The following RBPJ variants were observed in gnomAD, a reference collection of about 807,000 sequenced individuals.
RBPJ encodes recombining binding protein suppressor of hairless.
In RBPJ, 9 loss-of-function variants were observed where a neutral mutation model predicts 67.8. The ratio of observed to expected loss-of-function variants is 0.13; its 90% confidence interval spans 0.08 to 0.23. The LOEUF (loss-of-function observed/expected upper bound fraction) is 0.23, where lower values mean the gene tolerates loss of function less well. Among genes scored for constraint, RBPJ ranks in the 10% least tolerant of loss-of-function variants. The probability of loss-of-function intolerance (pLI) is 1.00; values close to 1 mark genes in which losing one functional copy is unlikely to be tolerated. For missense variants in RBPJ, 305 were observed against 595.6 expected, an observed-to-expected ratio of 0.51 and a Z score of 5.08; for synonymous variants, 198 against 203.3, an observed-to-expected ratio of 0.97 and a Z score of 0.22.
the RBPJ span, among the ~76,000 whole-genome samples, chr4:26,141,338 G>A: frequency 6.6e-4 from 101 of 152,242 alleles, no homozygotes; most frequent in African/African-American, 2.3e-3. Flanking sequence ...GGCCAGGGAC[G>A]AGCCCAGCAC....
At chr4:26,405,831 C>A (rs1733342410) in intron 2 of RBPJ, among the ~76,000 whole-genome samples, 1 of 152,090 alleles carries the variant, frequency 6.6e-6, no homozygotes, top group South Asian at 2.1e-4. Context: ...ATTTTATTAA[C>A]TTTATAATAT....
At chr4:26,180,543 G>A (rs1337913324) in intron 1 of RBPJ, among the ~76,000 whole-genome samples, 1 of 152,164 alleles carries the variant, frequency 6.6e-6, no homozygotes, top group East Asian at 1.9e-4. Flanking sequence ...TTCTATCTGT[G>A]TCCTCACAAG....
chr4:26,160,637 T>C (rs1716060582), upstream of RBPJ, among the ~76,000 whole-genome samples: 2 of 152,290 alleles, frequency 1.3e-5, no homozygotes, highest in South Asian at 4.1e-4. Context: ...TCTGCTCTTC[T>C]CTCTGGTAAG....
rs1471894443 is a variant in RBPJ, at chr4:26,430,500, G to A, written c.1126G>A (p.Val376Ile). Residue 376 changes from valine to isoleucine, a missense_variant, in exon 10 of 11, where the codon GTA becomes ATA. This residue lies in a region of RBPJ where 47 missense variants were observed against 128.2 expected (regional missense o/e 0.37). Coordinates refer to ENST00000355476, the MANE Select transcript of RBPJ (RefSeq NM_015874.6). The surrounding 1 kb of genome is among the most constrained non-coding windows in gnomAD (Gnocchi z 4.1). ...TPNLRVWFGD[V>I]EAETMYRCGE... ...AAATTTACGAGTGTGGTTTGGGGAT[G>A]TAGAAGCTGAAACTATGTACAGGTA... The A allele has an allele frequency of 1.9e-6, 3 of 1,606,712 alleles. No individual in the cohort carries two copies. Among genetic ancestry groups the A allele is most frequent in the African/African-American group, 1.3e-5 (1 of 74,404 alleles).
intron 1 of RBPJ, among the ~76,000 whole-genome samples, chr4:26,355,648 A>C (rs1727292031): frequency 6.6e-6 from 1 of 152,160 alleles, no homozygotes; most frequent in African/African-American, 2.4e-5. Context: ...TTAAAACATC[A>C]AAACCCTAAC....
At chr4:26,396,014 G>A (rs892125005) in intron 2 of RBPJ, among the ~76,000 whole-genome samples, 4 of 152,156 alleles carry the variant, frequency 2.6e-5, no homozygotes, top group Admixed American at 6.5e-5. Context: ...CTCACTTTGA[G>A]ACAGGAGAGC....
At chr4:26,366,664 C>T (rs1272901815) in intron 1 of RBPJ, among the ~76,000 whole-genome samples, 2 of 152,084 alleles carry the variant, frequency 1.3e-5, no homozygotes, top group African/African-American at 4.8e-5. Flanking sequence ...TCGTGATCTG[C>T]CTGCCTCGGC....
chr4:26,324,443 T>C (rs1207922668), intron 1 of RBPJ, among the ~76,000 whole-genome samples: 1 of 151,892 alleles, frequency 6.6e-6, no homozygotes, highest in African/African-American at 2.4e-5. Context: ...GAGATTGAAG[T>C]TCTGTCAAAC....
intron 1 of RBPJ, among the ~76,000 whole-genome samples, chr4:26,268,192 C>G (rs1359931759): frequency 1.3e-5 from 2 of 152,028 alleles, no homozygotes; most frequent in African/African-American, 4.8e-5. Flanking sequence ...TCCCTCTTTG[C>G]TTTATATTCA....
intron 1 of RBPJ, among the ~76,000 whole-genome samples, chr4:26,335,309 G>A (rs1383775576): frequency 6.6e-6 from 1 of 151,974 alleles, no homozygotes; most frequent in Non-Finnish European, 1.5e-5. Context: ...AGCCTCCTGA[G>A]TAGCTGGGAC....
chr4:26,204,319 A>G (rs1718093540), intron 1 of RBPJ, among the ~76,000 whole-genome samples: 2 of 152,216 alleles, frequency 1.3e-5, no homozygotes. Flanking sequence ...AAAATGCTGA[A>G]TCTAGCAGAG....
In RBPJ at chr4:26,182,396, A is replaced by G. The variant is rs115581038; in HGVS notation, c.-167+18782A>G. ...TTTTGACTCTTTCGTAATAACATTT[A>G]GCTTAAAACAGATTGTATAGCTGTA... On this transcript the variant is annotated intron_variant, in intron 1 of 4. Transcript: ENST00000512351. 7.4e-3 allele frequency among the ~76,000 whole-genome samples: 1,133 copies of G among 152,320 alleles called. 14 individuals are homozygous for G. The highest frequency in any genetic ancestry group is 0.026 in the African/African-American group (1,075 of 41,572).
chr4:26,371,822 A>C (rs1171010625), intron 1 of RBPJ, among the ~76,000 whole-genome samples: 1 of 152,266 alleles, frequency 6.6e-6, no homozygotes, highest in African/African-American at 2.4e-5. Context: ...GGAAAAGAGA[A>C]TAAATGTTAT....
intron 1 of RBPJ, among the ~76,000 whole-genome samples, chr4:26,274,025 T>G (rs1721003863): frequency 6.6e-6 from 1 of 152,224 alleles, no homozygotes; most frequent in African/African-American, 2.4e-5. Flanking sequence ...GTCAGAGAAG[T>G]CTTTCCCAAC....
intron 1 of RBPJ, among the ~76,000 whole-genome samples, chr4:26,252,652 C>T (rs184436377): frequency 9.2e-5 from 14 of 152,268 alleles, no homozygotes. Flanking sequence ...TAAATCTTAA[C>T]ATTTAAGAGT....
At chr4:26,421,396 G>A (rs756685576) in intron 5 of RBPJ, among the ~76,000 whole-genome samples, 7 of 151,356 alleles carry the variant, frequency 4.6e-5, no homozygotes, top group African/African-American at 7.3e-5. Context: ...TCCACCTCCC[G>A]GGTTCAACCA....
At chr4:26,406,868 T>C (rs1733472289) in intron 3 of RBPJ, among the ~76,000 whole-genome samples, 1 of 152,196 alleles carries the variant, frequency 6.6e-6, no homozygotes, top group South Asian at 2.1e-4. Context: ...AAGCAACTAA[T>C]TGGGCTAAAG....
At chr4:26,191,202 TATATATATAGAG>T (rs1346018772) in intron 1 of RBPJ, among the ~76,000 whole-genome samples, 558 of 32,102 alleles carry the variant, frequency 0.017, 4 homozygotes, top group South Asian at 0.042. Context: ...TATATATATA[TATATATATAGAG>T]AGAGAGAGAG....
At chr4:26,311,801 C>G (rs1438922547) in intron 1 of RBPJ, among the ~76,000 whole-genome samples, 1 of 152,150 alleles carries the variant, frequency 6.6e-6, no homozygotes, top group Admixed American at 6.5e-5. Context: ...TGCAGTGACT[C>G]ACACCTATAA....
Sources: allele counts gnomAD v4.1 joint callset (sites outside exome capture counted in the v4.1 genomes callset), GRCh38; gene constraint gnomAD v4.1.1; regional missense constraint gnomAD v4.1.1; non-coding constraint Gnocchi (gnomAD v3.1); transcripts MANE v1.5; gene names NCBI Gene and HGNC (gene_info 2026-07-23, HGNC 2026-07-21).